The following IKZF1 variants were observed in gnomAD, a reference collection of about 807,000 sequenced individuals.
IKZF1 encodes IKAROS family zinc finger 1.
Under a neutral mutation model 51.7 loss-of-function variants are expected in IKZF1, and 10 were observed. The observed-to-expected ratio is 0.19, with a 90% confidence interval of 0.12 to 0.33. The LOEUF (loss-of-function observed/expected upper bound fraction) is 0.33. Ranked by LOEUF, IKZF1 falls within the 10% of genes least tolerant of loss-of-function variation. IKZF1 has a pLI of 1.00. For missense variants in IKZF1, 484 were observed against 707.5 expected (o/e 0.68, Z 3.58); for synonymous variants, 280 against 282.3 (o/e 0.99, Z 0.08).
At chr7:50,350,254 C>T (rs1385824817) in intron 3 of IKZF1, among the ~76,000 whole-genome samples, 1 of 152,250 alleles carries the variant, frequency 6.6e-6, no homozygotes, top group African/African-American at 2.4e-5. Flanking sequence ...CCAGCACCCA[C>T]AGGGTCTGCA....
intron 3 of IKZF1, among the ~76,000 whole-genome samples, chr7:50,338,702 T>TA (rs1472789754): frequency 3.9e-5 from 6 of 152,210 alleles, no homozygotes; most frequent in Non-Finnish European, 8.8e-5. Flanking sequence ...CAGAACCCGT[T>TA]AGACTAAATG....
At chr7:50,355,733 A>G (rs1431875000) in intron 3 of IKZF1, among the ~76,000 whole-genome samples, 1 of 152,250 alleles carries the variant, frequency 6.6e-6, no homozygotes, top group Non-Finnish European at 1.5e-5. Context: ...AAGAACAATG[A>G]GAGTTCTGGG....
intron 3 of IKZF1, chr7:50,367,827 A>G (rs976288566): frequency 2.2e-5 from 13 of 586,298 alleles, no homozygotes; most frequent in African/African-American, 2.1e-4. Flanking sequence ...GGTCCTGTTC[A>G]TGAGTAATTA....
chr7:50,369,331 A>G (rs1222532131), intron 3 of IKZF1: 4 of 392,760 alleles, frequency 1.0e-5, no homozygotes, highest in Non-Finnish European at 1.3e-5. Context: ...CAGCCAGAGC[A>G]TATGTTGAAG....
chr7:50,319,277 G>A (rs1161598994), intron 2 of IKZF1, among the ~76,000 whole-genome samples, 176 bp downstream of exon 2: 1 of 152,068 alleles, frequency 6.6e-6, no homozygotes, highest in Non-Finnish European at 1.5e-5. Context: ...ATCTCACTTT[G>A]AGCTGAACAG....
chr7:50,311,060 T>C (rs1790049120), intron 1 of IKZF1, among the ~76,000 whole-genome samples: 1 of 152,244 alleles, frequency 6.6e-6, no homozygotes, highest in Non-Finnish European at 1.5e-5. Flanking sequence ...AAATCTCATC[T>C]TGATGATAGC....
At chr7:50,395,479 A>C (rs1816453809) in intron 7 of IKZF1, among the ~76,000 whole-genome samples, 1 of 152,228 alleles carries the variant, frequency 6.6e-6, no homozygotes, top group Non-Finnish European at 1.5e-5. Context: ...CAATTTAAGC[A>C]GCATCTACTG....
rs146917510 is a variant in IKZF1, at chr7:50,350,611, C to A, written c.160+22854C>A. ...ACGTTACACCAGTGGACTCTAACGA[C>A]GACCTCACCTCGTGCACAGATAATT... On this transcript the variant is annotated intron_variant, in intron 3 of 7. Coordinates refer to ENST00000331340, the MANE Select transcript of IKZF1 (RefSeq NM_006060.6). Among the ~76,000 whole-genome samples the A allele has an allele frequency of 1.6e-3, 247 of 152,330 alleles. 1 individual carries two copies. Among genetic ancestry groups the A allele is most frequent in the African/African-American group, 5.5e-3 (229 of 41,560 alleles).
chr7:50,393,314 C>G (rs957292432), intron 7 of IKZF1, among the ~76,000 whole-genome samples: 4 of 152,038 alleles, frequency 2.6e-5, no homozygotes, highest in African/African-American at 9.7e-5. Context: ...TGTTGATTTT[C>G]AAGGACTTCT....
At chr7:50,339,880 T>C (rs1260118143) in intron 3 of IKZF1, among the ~76,000 whole-genome samples, 1 of 152,248 alleles carries the variant, frequency 6.6e-6, no homozygotes, top group East Asian at 1.9e-4. Flanking sequence ...GCAAGATGTC[T>C]AAATTACATT....
chr7:50,357,275 G>T (rs1362528513), intron 3 of IKZF1, among the ~76,000 whole-genome samples: 2 of 151,940 alleles, frequency 1.3e-5, no homozygotes, highest in Middle Eastern at 3.2e-3. Flanking sequence ...CAGCTTCCAA[G>T]GCCTCTGGAA....
chr7:50,308,583 A>G (rs1789371594), intron 1 of IKZF1: 1 of 152,212 alleles, frequency 6.6e-6, no homozygotes, highest in South Asian at 2.1e-4. Context: ...TCAGACGTCC[A>G]CATAATTTCT....
intron 2 of IKZF1, among the ~76,000 whole-genome samples, chr7:50,326,681 A>G (rs558137629): frequency 9.3e-4 from 141 of 152,304 alleles, no homozygotes; most frequent in African/African-American, 3.0e-3. Context: ...TCATTTTGTA[A>G]ATCCTACTTT....
At position 50,382,871 on chromosome 7, in the gene IKZF1, C is replaced by G. The variant is rs76000526; in HGVS notation, c.589+164C>G. ...GTTGCTTCTTTGACATTGCCCCATC[C>G]CCCCTCCCCATATTCTCCTTTTCCC... On this transcript the variant is annotated intron_variant, in intron 5 of 7. Coordinates refer to ENST00000331340, the MANE Select transcript of IKZF1 (RefSeq NM_006060.6). Among the ~76,000 whole-genome samples, 532 of 152,212 alleles carry G rather than the reference C, an allele frequency of 3.5e-3. 4 individuals are homozygous for G. Among genetic ancestry groups the G allele is most frequent in the African/African-American group, 0.012 (501 of 41,502 alleles).
chr7:50,321,299 G>A (rs367963526), intron 2 of IKZF1, among the ~76,000 whole-genome samples: 4 of 152,136 alleles, frequency 2.6e-5, no homozygotes, highest in Admixed American at 6.5e-5. Context: ...AACAAAAAAC[G>A]AGTTAAATGG....
chr7:50,381,048 T>C (rs148422154), intron 4 of IKZF1, among the ~76,000 whole-genome samples: 17 of 152,330 alleles, frequency 1.1e-4, no homozygotes, highest in African/African-American at 3.8e-4. Context: ...GACCTCTCCA[T>C]TGGCCTATAA....
intron 3 of IKZF1, among the ~76,000 whole-genome samples, chr7:50,375,482 G>A (rs1360005757): frequency 2.0e-5 from 3 of 152,100 alleles, no homozygotes; most frequent in Non-Finnish European, 2.9e-5. Flanking sequence ...TTAAAATGGT[G>A]GCTTTCAGTG....
intron 1 of IKZF1, among the ~76,000 whole-genome samples, chr7:50,305,494 G>A (rs1448242318): frequency 1.3e-5 from 2 of 152,056 alleles, no homozygotes; most frequent in Non-Finnish European, 2.9e-5. Context: ...GTCAAGCATC[G>A]CTGCTGATGC....
intron 3 of IKZF1, chr7:50,328,211 TAGAA>T (rs1795580511): frequency 6.5e-6 from 1 of 152,932 alleles, no homozygotes; most frequent in Admixed American, 6.5e-5. Context: ...TAACTGAAAA[TAGAA>T]AGTTTCATAA....
Sources: allele counts gnomAD v4.1 joint callset (sites outside exome capture counted in the v4.1 genomes callset), GRCh38; gene constraint gnomAD v4.1.1; transcripts MANE v1.5; gene names NCBI Gene and HGNC (gene_info 2026-07-23, HGNC 2026-07-21).